CLEC2D: variants seen among roughly 807,000 people sequenced by gnomAD.
The protein encoded by CLEC2D is C-type lectin domain family 2 member D.
A neutral mutation model predicts 20.0 loss-of-function variants in CLEC2D; 16 were observed. The ratio of observed to expected loss-of-function variants is 0.80; its 90% CI spans 0.54 to 1.22. CLEC2D has a LOEUF of 1.22. Ranked by LOEUF, CLEC2D falls within the 50% of genes most tolerant of loss-of-function variation. The pLI is 0.00. For missense variants in CLEC2D, 207 were observed against 221.5 expected (o/e 0.93, Z 0.42); for synonymous variants, 77 against 71.1 (o/e 1.08, Z -0.42).
At position 9,695,769 on chromosome 12, in the gene CLEC2D, AGAG is replaced by A; in HGVS notation, c.*901_*903del. ...AAGGTGCAGAGTCAGAAGATGAAGA[AGAG>A]GAGGATGTGAAACTCTTAAGTATAT... On this transcript the variant is annotated 3_prime_UTR_variant, in exon 5 of 5. Transcript: ENST00000290855. 1 of 1,386,686 alleles carries A rather than the reference AGAG, an allele frequency of 7.2e-7. No homozygotes were observed. The highest frequency in any genetic ancestry group is 1.2e-5 in the South Asian group (1 of 86,508). 85.9% of individuals were successfully genotyped at this position (1,386,686 alleles called of 1,614,324 possible). A position where few individuals can be genotyped will look rare whatever the true frequency, so the allele number is the denominator to read the frequency against.
At chr12:9,685,804 G>A (rs1865735890) in intron 2 of CLEC2D, among the ~76,000 whole-genome samples, 1 of 152,120 alleles carries the variant, frequency 6.6e-6, no homozygotes, top group South Asian at 2.1e-4. Flanking sequence ...GTGGGGATTG[G>A]ACCCACTGAG....
At chr12:9,683,339 T>G (rs12815893) in intron 2 of CLEC2D, among the ~76,000 whole-genome samples, 8,421 of 85,914 alleles carry the variant, frequency 0.098, 369 homozygotes, top group Non-Finnish European at 0.16. Context: ...GTGTTTGTTT[T>G]TTTTTTTTTT....
chr12:9,681,181 C>T, intron 2 of CLEC2D, 148 bp downstream of exon 2: 1 of 515,770 alleles, frequency 1.9e-6, no homozygotes, highest in Admixed American at 3.4e-5. Context: ...TAAGTGGCAC[C>T]AAAAATTTTA....
chr12:9,682,006 A>G (rs1865644962), intron 2 of CLEC2D, among the ~76,000 whole-genome samples: 1 of 152,198 alleles, frequency 6.6e-6, no homozygotes, highest in Non-Finnish European at 1.5e-5. Flanking sequence ...AAGGGAATGT[A>G]TTCTGAAATA....
At chr12:9,678,151 C>T (rs1403457785) in intron 1 of CLEC2D, among the ~76,000 whole-genome samples, 2 of 152,128 alleles carry the variant, frequency 1.3e-5, no homozygotes, top group Non-Finnish European at 2.9e-5. Context: ...GGTGCGTGCA[C>T]ATTTAGGTTT....
Position 9,698,818 on chromosome 12 carries a change from C to T in CLEC2D, c.*3944C>T, listed in dbSNP as rs752238965. 7.4e-4 allele frequency: 112 copies of T among 152,136 alleles called. No individual in the cohort carries two copies. Among genetic ancestry groups the T allele is most frequent in the African/African-American group, 2.6e-3 (106 of 41,426 alleles). 9.4% of individuals were successfully genotyped at this position (152,136 alleles called of 1,614,324 possible). A position where few individuals can be genotyped will look rare whatever the true frequency, so the allele number is the denominator to read the frequency against. The stretch of plus-strand genomic sequence containing the variant: ...TTGACAGGTGGAACTAAAGAAGACT[C>T]GAGGTCTCTCTGACCTCCTCCTCAA... On this transcript the variant is annotated 3_prime_UTR_variant, in exon 5 of 5. Coordinates refer to ENST00000290855, the MANE Select transcript of CLEC2D (RefSeq NM_013269.6).
Position 9,698,003 on chromosome 12 carries a change from A to G in CLEC2D, c.*3129A>G, listed in dbSNP as rs1377353753. 1 of 152,234 alleles carries G rather than the reference A, an allele frequency of 6.6e-6. No individual in the cohort carries two copies. Among genetic ancestry groups the G allele is most frequent in the Non-Finnish European group, 1.5e-5 (1 of 68,042 alleles). The allele number at this position is 152,234 out of a possible 1,614,324, so 9.4% of individuals were successfully genotyped here. Reference sequence around the variant, plus strand: ...TGTATGTACATAAAAACATCACATTATACACATCAAATATATACAATAAAA... The same window carrying G: ...TGTATGTACATAAAAACATCACATTGTACACATCAAATATATACAATAAAA... On this transcript the variant is annotated 3_prime_UTR_variant, in exon 5 of 5. Transcript: ENST00000290855.
At chr12:9,672,825 T>C (rs1201732722) in intron 1 of CLEC2D, among the ~76,000 whole-genome samples, 5 of 152,042 alleles carry the variant, frequency 3.3e-5, no homozygotes, top group African/African-American at 1.2e-4. Flanking sequence ...CTTCAAGCTC[T>C]GATATTTTCT....
intron 2 of CLEC2D, among the ~76,000 whole-genome samples, chr12:9,684,153 C>A (rs1865704454): frequency 1.3e-5 from 2 of 152,058 alleles, no homozygotes; most frequent in Non-Finnish European, 2.9e-5. Flanking sequence ...AATGGGAGTT[C>A]ACTCATGATT....
rs774806498 is a variant in CLEC2D at position 9,692,950 on chromosome 12, G to GC, written c.461+20dup. 10 of 1,601,804 alleles carry GC rather than the reference G, an allele frequency of 6.2e-6. No homozygotes were observed. The highest frequency in any genetic ancestry group is 1.7e-4 in the Middle Eastern group (1 of 6,046). On this transcript the variant is annotated intron_variant, in intron 4 of 4. Transcript: ENST00000290855. ...CAAGACAGTAAGTTCTAAAAATCTG[G>GC]CAGTAATATTTGTATTTGAATTTAC...
intron 2 of CLEC2D, among the ~76,000 whole-genome samples, chr12:9,682,133 G>T (rs1865648293): frequency 6.6e-6 from 1 of 152,028 alleles, no homozygotes; most frequent in African/African-American, 2.4e-5. Flanking sequence ...CTTTGGAAAT[G>T]ATTTCTTGTG....
At position 9,669,866 on chromosome 12, in the gene CLEC2D, A is replaced by G; in HGVS notation, c.61+71A>G. ...AAGGTAGTGGTAGTGATGGGCTCAC[A>G]CAGGAAAGGTGCTGATCTAGTAAAA... On this transcript the variant is annotated intron_variant, in intron 1 of 4. Coordinates refer to ENST00000290855, the MANE Select transcript of CLEC2D (RefSeq NM_013269.6). The G allele has an allele frequency of 6.5e-6, 8 of 1,228,648 alleles. 1 individual carries two copies. The South Asian group carries it at 9.8e-5, about 15-fold the overall frequency. The allele number at this position is 1,228,648 out of a possible 1,614,324, so 76.1% of individuals were successfully genotyped here.
At chr12:9,692,730 A>G (rs1865894249) in intron 3 of CLEC2D, 98 bp from the exon 4 acceptor site, 2 of 732,860 alleles carry the variant, frequency 2.7e-6, no homozygotes, top group Non-Finnish European at 2.2e-6. Flanking sequence ...AAAAGGAAGA[A>G]AATTATGAGT....
chr12:9,678,391 A>G (rs1245042420), intron 1 of CLEC2D, among the ~76,000 whole-genome samples: 1 of 152,222 alleles, frequency 6.6e-6, no homozygotes, highest in Non-Finnish European at 1.5e-5. Context: ...CATTTCCTGC[A>G]GACATCATAT....
chr12:9,693,968 GCTTTTT>G, intron 4 of CLEC2D: 1 of 148,788 alleles, frequency 6.7e-6, no homozygotes, highest in Non-Finnish European at 1.2e-5. Flanking sequence ...ACCTTGCTTG[GCTTTTT>G]TTTTTTTTTT....
chr12:9,678,010 A>G (rs1382866946), intron 1 of CLEC2D, among the ~76,000 whole-genome samples: 2 of 151,990 alleles, frequency 1.3e-5, no homozygotes, highest in Non-Finnish European at 2.9e-5. Context: ...GTCATGAGCC[A>G]ATATACCCTG....
At chr12:9,687,402 A>T (rs1865772308) in intron 2 of CLEC2D, among the ~76,000 whole-genome samples, 1 of 152,172 alleles carries the variant, frequency 6.6e-6, no homozygotes, top group African/African-American at 2.4e-5. Flanking sequence ...AATGTGAGTG[A>T]TGGGGAGTGG....
Position 9,698,668 on chromosome 12 carries a change from A to G in CLEC2D, c.*3794A>G, listed in dbSNP as rs969477060. The G allele has an allele frequency of 6.6e-6, 1 of 152,232 alleles. No individual in the cohort carries two copies. The highest frequency in any genetic ancestry group is 6.5e-5 in the Admixed American group (1 of 15,280). The allele number at this position is 152,232 out of a possible 1,614,324, so 9.4% of individuals were successfully genotyped here. A position where few individuals can be genotyped will look rare whatever the true frequency, so the allele number is the denominator to read the frequency against. On this transcript the variant is annotated 3_prime_UTR_variant, in exon 5 of 5. Coordinates refer to ENST00000290855, the MANE Select transcript of CLEC2D (RefSeq NM_013269.6). ...AAATAAACAAATGAAATTGCATAAA[A>G]TAAAAAATGTTTCTGCACAGCAAAG...
At chr12:9,693,176 C>A in intron 4 of CLEC2D, 1 of 1,182,310 alleles carries the variant, frequency 8.5e-7, no homozygotes, top group South Asian at 1.2e-5. Flanking sequence ...CAAACACTTT[C>A]ATTTTAAGCA....
Sources: allele counts gnomAD v4.1 joint callset (sites outside exome capture counted in the v4.1 genomes callset), GRCh38; gene constraint gnomAD v4.1.1; transcripts MANE v1.5; gene names NCBI Gene and HGNC (gene_info 2026-07-23, HGNC 2026-07-21).